FMNL2: variants seen among roughly 807,000 people sequenced by gnomAD.
FMNL2 encodes the protein formin-like protein 2.
A neutral mutation model predicts 130.2 loss-of-function variants in FMNL2; 51 were observed. The ratio of observed to expected loss-of-function variants is 0.39; its 90% CI spans 0.31 to 0.49. The LOEUF (loss-of-function observed/expected upper bound fraction) is 0.49, where lower values mean the gene tolerates loss of function less well. FMNL2 is among the 20% of genes least tolerant of loss of function. The probability of loss-of-function intolerance (pLI) is 0.85; values close to 1 mark genes in which losing one functional copy is unlikely to be tolerated. For missense variants in FMNL2, 977 were observed against 1,316.2 expected, an observed-to-expected ratio of 0.74 and a Z score of 3.99; for synonymous variants, 465 against 467.1, an observed-to-expected ratio of 1.00 and a Z score of 0.06.
rs1456072092 is a variant in FMNL2 at position 152,542,718 on chromosome 2, G to A, written c.202-21G>A. 6.2e-7 allele frequency: 1 copy of A among 1,613,000 alleles called. No individual in the cohort carries two copies. The highest frequency in any genetic ancestry group is 8.5e-7 in the Non-Finnish European group (1 of 1,179,228). On this transcript the variant is annotated intron_variant, in intron 2 of 25. Coordinates refer to ENST00000288670, the MANE Select transcript of FMNL2 (RefSeq NM_052905.4). The stretch of plus-strand genomic sequence containing the variant: ...CATGGCTTCATACCTTTCATGCTTT[G>A]GACTTTTGTGCTTTCTGCAGGAACG...
intron 4 of FMNL2, among the ~76,000 whole-genome samples, chr2:152,550,889 G>C (rs1694900299): frequency 6.6e-6 from 1 of 152,116 alleles, no homozygotes; most frequent in South Asian, 2.1e-4. Context: ...TGTAATCCTA[G>C]CACTTTGAGA....
At chr2:152,534,564 C>CTT (rs10719527) in intron 2 of FMNL2, among the ~76,000 whole-genome samples, 3 of 131,568 alleles carry the variant, frequency 2.3e-5, no homozygotes, top group Non-Finnish European at 3.2e-5. Flanking sequence ...CTTATTTTGT[C>CTT]TTTTTTTTTT....
intron 1 of FMNL2, among the ~76,000 whole-genome samples, chr2:152,459,813 G>A (rs975902882): frequency 5.9e-5 from 9 of 152,186 alleles, no homozygotes; most frequent in African/African-American, 2.2e-4. Context: ...TCTCAACAAA[G>A]CTGCAAAAGA....
At chr2:152,448,745 G>A (rs1392857024) in intron 1 of FMNL2, among the ~76,000 whole-genome samples, 1 of 152,204 alleles carries the variant, frequency 6.6e-6, no homozygotes, top group Non-Finnish European at 1.5e-5. Context: ...AAGTAGGTCA[G>A]TGACCACAGT....
chr2:152,482,466 T>G (rs929859223), intron 1 of FMNL2, among the ~76,000 whole-genome samples: 5 of 152,210 alleles, frequency 3.3e-5, no homozygotes, highest in Non-Finnish European at 7.3e-5. Context: ...TGATTCATTC[T>G]TGCTCTTCTA....
intron 1 of FMNL2, among the ~76,000 whole-genome samples, chr2:152,485,460 G>T (rs113304449): frequency 0.011 from 1,600 of 152,258 alleles, 26 homozygotes; most frequent in African/African-American, 0.037. Flanking sequence ...GGCTGAAGTG[G>T]GAGGATCGCT....
intron 8 of FMNL2, among the ~76,000 whole-genome samples, chr2:152,579,371 T>C (rs910704763): frequency 2.6e-5 from 4 of 152,196 alleles, no homozygotes; most frequent in Admixed American, 2.0e-4. Flanking sequence ...TAACTTTACA[T>C]ATGTAGCTTT....
intron 1 of FMNL2, among the ~76,000 whole-genome samples, chr2:152,464,035 C>T (rs896018957): frequency 6.6e-6 from 1 of 152,142 alleles, no homozygotes; most frequent in South Asian, 2.1e-4. Flanking sequence ...CAGGTTCAAG[C>T]GATTCTCCTG....
At chr2:152,508,494 C>T (rs1207405474) in intron 1 of FMNL2, among the ~76,000 whole-genome samples, 2 of 152,102 alleles carry the variant, frequency 1.3e-5, no homozygotes, top group Admixed American at 1.3e-4. Context: ...GTTGCATTAG[C>T]CCTGGGCTCC....
At chr2:152,474,215 C>T (rs143952501) in intron 1 of FMNL2, among the ~76,000 whole-genome samples, 28 of 152,340 alleles carry the variant, frequency 1.8e-4, no homozygotes, top group African/African-American at 6.5e-4. Flanking sequence ...TGTCCCATCT[C>T]ACTTGCTTAC....
At chr2:152,434,177 A>G (rs1687630202) in intron 1 of FMNL2, among the ~76,000 whole-genome samples, 1 of 152,218 alleles carries the variant, frequency 6.6e-6, no homozygotes, top group Non-Finnish European at 1.5e-5. Context: ...CATTTACAAA[A>G]TACACTCTGA....
In FMNL2 at chr2:152,361,277, T is replaced by G. The variant is rs145914668; in HGVS notation, c.117+25557T>G. Among the ~76,000 whole-genome samples, 489 of 152,320 alleles carry G rather than the reference T, an allele frequency of 3.2e-3. 3 individuals are homozygous for G. Among genetic ancestry groups the G allele is most frequent in the African/African-American group, 0.011 (470 of 41,578 alleles). On this transcript the variant is annotated intron_variant, in intron 1 of 25. Coordinates refer to ENST00000288670, the MANE Select transcript of FMNL2 (RefSeq NM_052905.4). The stretch of plus-strand genomic sequence containing the variant: ...ATTTTTACAAACTTCTGTTTGAAAT[T>G]TAGTTTGATATGGTCAACTTAATTT...
intron 1 of FMNL2, among the ~76,000 whole-genome samples, chr2:152,430,743 C>T (rs779062218): frequency 6.6e-6 from 1 of 152,034 alleles, no homozygotes; most frequent in African/African-American, 2.4e-5. Flanking sequence ...CATGGTGGCA[C>T]GTGCCTGTAG....
intron 25 of FMNL2, 135 bp from the exon 26 acceptor site, chr2:152,647,661 T>C (rs1683707369): frequency 6.6e-6 from 5 of 759,680 alleles, no homozygotes; most frequent in Non-Finnish European, 1.2e-5. Context: ...GATTCAATGC[T>C]CAGTGAGTTT....
rs74483855 is a variant in FMNL2 at position 152,416,801 on chromosome 2, G to A, written c.117+81081G>A. 2.0e-5 allele frequency among the ~76,000 whole-genome samples: 3 copies of A among 152,326 alleles called. No individual in the cohort carries two copies. The East Asian group carries it at 5.8e-4, about 29-fold the overall frequency. ...AGTGTCACAGCCAAGGCATGAAAAT[G>A]TGGATCAAGTAGGCAAATGGAATTA... On this transcript the variant is annotated intron_variant, in intron 1 of 25. Transcript: ENST00000288670.
chr2:152,346,127 C>A (rs151209561), intron 1 of FMNL2, among the ~76,000 whole-genome samples: 331 of 152,170 alleles, frequency 2.2e-3, no homozygotes, highest in African/African-American at 7.7e-3. Context: ...TGGGTTCAAG[C>A]GATTCTCCTG....
At position 152,647,866 on chromosome 2, in the gene FMNL2, G is replaced by C. The variant is rs749488662; in HGVS notation, c.3240G>C (p.Gln1080His). The change falls in exon 26 of 26, where the codon CAG (glutamine) becomes CAC (histidine). Residue 1080 changes from glutamine (Q) to histidine (H), a missense_variant. Gln to His is a conservative substitution (Grantham distance 24). Transcript: ENST00000288670. ...RRSVRRRFDD[Q>H]NLRSVNGAEI... Reference sequence around the variant, plus strand: ...GCGTCAGGCGGCGCTTTGATGATCAGAACTTGCGTTCTGTTAATGGTGCCG... The same window carrying C: ...GCGTCAGGCGGCGCTTTGATGATCACAACTTGCGTTCTGTTAATGGTGCCG... 3.1e-6 allele frequency: 5 copies of C among 1,613,814 alleles called. No homozygotes were observed. Among genetic ancestry groups the C allele is most frequent in the East Asian group, 2.2e-5 (1 of 44,898 alleles).
intron 3 of FMNL2, among the ~76,000 whole-genome samples, chr2:152,545,995 G>A (rs1694609488): frequency 6.6e-6 from 1 of 152,134 alleles, no homozygotes. Context: ...AAACAGCGCT[G>A]CTGCTGTTAT....
intron 1 of FMNL2, among the ~76,000 whole-genome samples, chr2:152,501,024 A>G (rs1000390202): frequency 1.3e-5 from 2 of 152,204 alleles, no homozygotes; most frequent in Non-Finnish European, 2.9e-5. Flanking sequence ...CGGTGCTGTG[A>G]GGGCTTCCAA....
Sources: allele counts gnomAD v4.1 joint callset (sites outside exome capture counted in the v4.1 genomes callset), GRCh38; gene constraint gnomAD v4.1.1; transcripts MANE v1.5; gene names NCBI Gene and HGNC (gene_info 2026-07-23, HGNC 2026-07-21).